The following CNBD1 variants were observed in gnomAD, a reference collection of about 807,000 sequenced individuals.
The protein encoded by CNBD1 is cyclic nucleotide binding domain containing 1, also known as cyclic nucleotide-binding domain-containing protein 1.
A neutral mutation model predicts 54.4 loss-of-function variants in CNBD1; 71 were observed. The observed-to-expected ratio is 1.30, with a 90% CI of 1.08 to 1.59. CNBD1 has a LOEUF of 1.59. Among genes scored for constraint, CNBD1 ranks in the 40% most tolerant of loss-of-function variants. The pLI is 0.00. For missense variants in CNBD1, 659 were observed against 518.0 expected, an observed-to-expected ratio of 1.27 and a Z score of -2.64; for synonymous variants, 182 against 170.7, an observed-to-expected ratio of 1.07 and a Z score of -0.51.
At chr8:87,330,051 T>C (rs1389502341) in intron 8 of CNBD1, among the ~76,000 whole-genome samples, 2 of 151,992 alleles carry the variant, frequency 1.3e-5, no homozygotes, top group Non-Finnish European at 2.9e-5. Flanking sequence ...CTATATCAAT[T>C]GGAAGAAGGT....
intron 10 of CNBD1, among the ~76,000 whole-genome samples, chr8:87,370,461 A>G (rs1263942293): frequency 2.0e-5 from 3 of 151,922 alleles, no homozygotes; most frequent in Non-Finnish European, 4.4e-5. Context: ...TTTGATTTGC[A>G]TTTCTCTGAT....
At chr8:87,158,238 C>T (rs1014793582) in intron 4 of CNBD1, among the ~76,000 whole-genome samples, 1 of 152,082 alleles carries the variant, frequency 6.6e-6, no homozygotes, top group African/African-American at 2.4e-5. Context: ...TATAACATTT[C>T]TCTGCCTCCA....
intron 2 of CNBD1, among the ~76,000 whole-genome samples, chr8:87,404,813 T>C (rs1275290386): frequency 7.2e-6 from 1 of 138,298 alleles, no homozygotes; most frequent in African/African-American, 2.8e-5. Context: ...TCATCCTTTT[T>C]ATTTAATCTT....
chr8:87,092,527 A>G (rs969264180), intron 4 of CNBD1, among the ~76,000 whole-genome samples: 16 of 135,978 alleles, frequency 1.2e-4, no homozygotes, highest in African/African-American at 2.0e-4. Flanking sequence ...ATGTGTGTGT[A>G]TGTATGTATG....
chr8:86,939,143 A>T (rs1305004709), intron 3 of CNBD1, among the ~76,000 whole-genome samples: 1 of 152,132 alleles, frequency 6.6e-6, no homozygotes, highest in Non-Finnish European at 1.5e-5. Context: ...CAAGAATAAG[A>T]TATGGTGGCT....
rs180865429 is a variant in CNBD1, at chr8:87,138,427, C to T, written c.432-67566C>T. Among the ~76,000 whole-genome samples, 291 of 152,190 alleles carry T rather than the reference C, an allele frequency of 1.9e-3. 1 individual carries two copies. Among genetic ancestry groups the T allele is most frequent in the Middle Eastern group, 6.8e-3 (2 of 294 alleles). ...CCTGTCAAAGATCCTTGTCAGCAAC[C>T]GAAAAGAAACAAGGCAAATTCATTT... On this transcript the variant is annotated intron_variant, in intron 4 of 10. Transcript: ENST00000518476.
At chr8:87,169,431 T>C (rs1000974148) in intron 4 of CNBD1, among the ~76,000 whole-genome samples, 5 of 152,118 alleles carry the variant, frequency 3.3e-5, no homozygotes, top group African/African-American at 1.2e-4. Flanking sequence ...GTTTGTCCAC[T>C]TTTGCTTTGG....
intron 4 of CNBD1, among the ~76,000 whole-genome samples, chr8:87,133,836 T>C (rs55686865): frequency 0.34 from 51,903 of 151,934 alleles, 9,353 homozygotes; most frequent in African/African-American, 0.46. Flanking sequence ...ATCTTGTATA[T>C]TGAGAGAATG....
chr8:86,978,357 C>T (rs1374429416), intron 4 of CNBD1, among the ~76,000 whole-genome samples: 2 of 151,934 alleles, frequency 1.3e-5, no homozygotes, highest in African/African-American at 4.8e-5. Context: ...TTTAATCTTA[C>T]CCTCTAAAAA....
chr8:86,955,643 G>T (rs1385853545), intron 4 of CNBD1, among the ~76,000 whole-genome samples: 1 of 152,182 alleles, frequency 6.6e-6, no homozygotes, highest in Admixed American at 6.5e-5. Flanking sequence ...TTTGAGAAGT[G>T]TCTCTTCATA....
chr8:87,191,107 A>G (rs1312483418), intron 4 of CNBD1, among the ~76,000 whole-genome samples: 1 of 152,040 alleles, frequency 6.6e-6, no homozygotes, highest in East Asian at 1.9e-4. Context: ...AAAAGCCAGT[A>G]GTGGCTCAGT....
chr8:87,268,889 T>C (rs543763391), intron 6 of CNBD1, among the ~76,000 whole-genome samples: 3 of 152,192 alleles, frequency 2.0e-5, no homozygotes, highest in African/African-American at 7.2e-5. Context: ...TTACTCCGTT[T>C]ATAGTTTCTT....
At chr8:87,394,404 A>C (rs1232161261) in intron 2 of CNBD1, among the ~76,000 whole-genome samples, 1 of 151,266 alleles carries the variant, frequency 6.6e-6, no homozygotes, top group East Asian at 1.9e-4. Context: ...CCAGACACGA[A>C]CCAACTTATC....
chr8:87,300,118 C>T (rs1020784363), intron 8 of CNBD1, among the ~76,000 whole-genome samples: 1 of 152,240 alleles, frequency 6.6e-6, no homozygotes, highest in East Asian at 1.9e-4. Context: ...CATAAGTCAG[C>T]ATCACTTGCA....
intron 4 of CNBD1, among the ~76,000 whole-genome samples, chr8:87,153,102 G>C (rs955572049): frequency 7.9e-5 from 12 of 152,060 alleles, no homozygotes; most frequent in Non-Finnish European, 1.6e-4. Flanking sequence ...TCTTTTAATT[G>C]ACTAGTTAGC....
At chr8:87,391,576 G>C (rs563110809) in intron 2 of CNBD1, among the ~76,000 whole-genome samples, 1 of 152,014 alleles carries the variant, frequency 6.6e-6, no homozygotes. Context: ...TTGACAGGTT[G>C]CTGAGATAAT....
chr8:87,321,564 G>T (rs960758453), intron 8 of CNBD1, among the ~76,000 whole-genome samples: 4 of 152,004 alleles, frequency 2.6e-5, no homozygotes, highest in Non-Finnish European at 5.9e-5. Flanking sequence ...CTGAGTTATA[G>T]ATGTTCCTTA....
chr8:87,226,974 G>A (rs936729051), intron 5 of CNBD1, among the ~76,000 whole-genome samples: 5 of 151,622 alleles, frequency 3.3e-5, no homozygotes, highest in African/African-American at 1.2e-4. Context: ...TTGTTGAATT[G>A]ATCCCTTTAC....
At position 87,409,930 on chromosome 8, in the gene CNBD1, G is replaced by A. The variant is rs111495668; in HGVS notation, c.214-18616G>A. ...CCCAGCTACTCAGGAGGCTGAGGCA[G>A]GAGAATCGCTTGAACCCAGGAGAGG... is the stretch of plus-strand genomic sequence containing the variant. On this transcript the variant is annotated intron_variant, in intron 2 of 7. Coordinates refer to the CNBD1 transcript ENST00000521593. 6.9e-3 allele frequency among the ~76,000 whole-genome samples: 1,048 copies of A among 152,104 alleles called. 9 individuals carry two copies. Among genetic ancestry groups the A allele is most frequent in the Non-Finnish European group, 8.3e-3 (561 of 67,984 alleles).
Sources: allele counts gnomAD v4.1 joint callset (sites outside exome capture counted in the v4.1 genomes callset), GRCh38; gene constraint gnomAD v4.1.1; transcripts MANE v1.5; gene names NCBI Gene and HGNC (gene_info 2026-07-23, HGNC 2026-07-21).